AUTS2: variants seen among roughly 807,000 people sequenced by gnomAD.
The protein encoded by AUTS2 is activator of transcription and developmental regulator AUTS2.
A neutral mutation model predicts 112.4 loss-of-function variants in AUTS2; 17 were observed. That is an observed-to-expected ratio of 0.15 (90% CI 0.10 to 0.23). The LOEUF (loss-of-function observed/expected upper bound fraction) is 0.23. Among genes scored for constraint, AUTS2 ranks in the 10% least tolerant of loss-of-function variants. The pLI, the probability that AUTS2 is intolerant of heterozygous loss-of-function variation, is 1.00. For synonymous variants in AUTS2, 751 were observed against 702.7 expected (o/e 1.07, Z -1.09); for missense variants, 1,510 against 1,701.6 (o/e 0.89, Z 1.98).
At chr7:69,684,158 G>A (rs1796949536) in intron 1 of AUTS2, among the ~76,000 whole-genome samples, 1 of 152,168 alleles carries the variant, frequency 6.6e-6, no homozygotes, top group African/African-American at 2.4e-5. Flanking sequence ...GTCTTGGGGA[G>A]GAAGAGTCAT....
intron 4 of AUTS2, among the ~76,000 whole-genome samples, chr7:70,174,040 G>T (rs1808852775): frequency 6.6e-6 from 1 of 152,194 alleles, no homozygotes; most frequent in Non-Finnish European, 1.5e-5. Flanking sequence ...AGTAAGGAAG[G>T]CATGTTGAAA....
At chr7:70,679,601 T>TAA (rs5884794) in intron 5 of AUTS2, among the ~76,000 whole-genome samples, 215 of 145,882 alleles carry the variant, frequency 1.5e-3, no homozygotes, top group Middle Eastern at 0.014. Flanking sequence ...ACTTTCATGT[T>TAA]AAAAAAAAAA....
At chr7:69,840,221 C>A (rs1033511899) in intron 1 of AUTS2, among the ~76,000 whole-genome samples, 1 of 152,148 alleles carries the variant, frequency 6.6e-6, no homozygotes, top group African/African-American at 2.4e-5. Flanking sequence ...ATAAAGAAAT[C>A]TCTTTGTATT....
intron 2 of AUTS2, among the ~76,000 whole-genome samples, chr7:69,918,504 CATGAT>C (rs1433268973): frequency 6.6e-6 from 1 of 152,190 alleles, no homozygotes; most frequent in Non-Finnish European, 1.5e-5. Context: ...AAAAACTAGA[CATGAT>C]ATGAACTTTG....
At chr7:69,794,665 CA>C (rs1789760181) in intron 1 of AUTS2, among the ~76,000 whole-genome samples, 1 of 151,868 alleles carries the variant, frequency 6.6e-6, no homozygotes, top group Non-Finnish European at 1.5e-5. Flanking sequence ...TTTTTAATGT[CA>C]CTATTTTGAC....
At chr7:70,001,451 G>A (rs1048976713) in intron 2 of AUTS2, among the ~76,000 whole-genome samples, 26 of 151,996 alleles carry the variant, frequency 1.7e-4, no homozygotes, top group African/African-American at 6.3e-4. Context: ...AGACTATAAA[G>A]GGAAGGTAGG....
intron 4 of AUTS2, among the ~76,000 whole-genome samples, chr7:70,251,684 T>C (rs1584934165): frequency 3.3e-5 from 5 of 152,226 alleles, no homozygotes; most frequent in Admixed American, 2.6e-4. Flanking sequence ...TGATGTTTTA[T>C]TTTAGCTTCC....
chr7:69,777,284 A>C (rs1356204795), intron 1 of AUTS2, among the ~76,000 whole-genome samples: 2 of 152,144 alleles, frequency 1.3e-5, no homozygotes, highest in South Asian at 2.1e-4. Context: ...CTGATTGAAC[A>C]GTCACGTTAT....
At chr7:70,229,816 T>G (rs1016768842) in intron 4 of AUTS2, among the ~76,000 whole-genome samples, 9 of 152,274 alleles carry the variant, frequency 5.9e-5, no homozygotes, top group Admixed American at 2.0e-4. Flanking sequence ...ATGCACTGAT[T>G]CTTTCTTCTG....
chr7:70,382,627 C>T (rs1793421997), intron 4 of AUTS2, among the ~76,000 whole-genome samples: 1 of 152,188 alleles, frequency 6.6e-6, no homozygotes, highest in East Asian at 1.9e-4. Flanking sequence ...TTCTCTACCA[C>T]TCTGCCTTTG....
intron 2 of AUTS2, among the ~76,000 whole-genome samples, chr7:70,029,988 A>G (rs754736482): frequency 6.6e-6 from 1 of 152,194 alleles, no homozygotes; most frequent in Non-Finnish European, 1.5e-5. Context: ...GCCACATCCA[A>G]AGATACACAC....
rs1787390448 is a variant in AUTS2, at chr7:70,731,493, A to G, written c.743-31377A>G. Among the ~76,000 whole-genome samples, 6 of 128,368 alleles carry G rather than the reference A, an allele frequency of 4.7e-5. No individual in the cohort carries two copies. The South Asian group carries it at 1.6e-3, about 34-fold the overall frequency. The allele number at this position is 128,368 out of a possible 152,430, so 84.2% of individuals were successfully genotyped here. A position where few individuals can be genotyped will look rare whatever the true frequency, so the allele number is the denominator to read the frequency against. On this transcript the variant is annotated intron_variant, in intron 6 of 18. Transcript: ENST00000342771. Reference sequence around the variant, plus strand: ...TGCCCAGGCTGGAGTGCAGTGGTGCAATCTCGGCTCACTGCAAGCTCTGCC... The same window carrying G: ...TGCCCAGGCTGGAGTGCAGTGGTGCGATCTCGGCTCACTGCAAGCTCTGCC...
chr7:70,790,933 T>C lies in AUTS2; in HGVS notation c.3717T>C (p.Pro1239=). 1 of 1,551,274 alleles carries C rather than the reference T, an allele frequency of 6.4e-7. No homozygotes were observed. The highest frequency in any genetic ancestry group is 8.7e-7 in the Non-Finnish European group (1 of 1,150,004). Residue 1239 remains proline, a synonymous_variant, in exon 19 of 19, where the codon CCT becomes CCC. Coordinates refer to ENST00000342771, the MANE Select transcript of AUTS2 (RefSeq NM_015570.4). This position sits in a 1 kb window ranked among gnomAD's most constrained non-coding sequence, Gnocchi z 7.6. ...GRPVSPRRTT[P]LSAEIRERPP... is the part of the protein sequence containing the mutation. ...CGGTCTCTCCCAGAAGGACGACTCC[T>C]CTGTCCGCAGAGATAAGGGAGAGGC...
intron 4 of AUTS2, among the ~76,000 whole-genome samples, chr7:70,197,173 C>T (rs1021975869): frequency 2.6e-5 from 4 of 152,118 alleles, no homozygotes; most frequent in African/African-American, 7.2e-5. Context: ...GCTGTTGGCT[C>T]TTGAACAACA....
intron 2 of AUTS2, among the ~76,000 whole-genome samples, chr7:70,081,937 T>A (rs1381352120): frequency 1.1e-3 from 34 of 30,440 alleles, no homozygotes; most frequent in Non-Finnish European, 7.9e-4. Context: ...CTGTGAAGAG[T>A]GTGTGTGTGT....
chr7:69,943,919 A>G (rs973226888), intron 2 of AUTS2, among the ~76,000 whole-genome samples: 4 of 152,236 alleles, frequency 2.6e-5, no homozygotes, highest in African/African-American at 9.6e-5. Flanking sequence ...AGTCAAAACG[A>G]GTGTACAAAC....
intron 1 of AUTS2, among the ~76,000 whole-genome samples, chr7:69,609,059 C>T (rs1792881009): frequency 6.6e-6 from 1 of 152,184 alleles, no homozygotes; most frequent in Non-Finnish European, 1.5e-5. Context: ...CAGATGTTGT[C>T]TTTAGTGATG....
At chr7:70,545,351 A>G (rs375759818) in intron 5 of AUTS2, among the ~76,000 whole-genome samples, 19 of 152,218 alleles carry the variant, frequency 1.2e-4, no homozygotes, top group African/African-American at 4.1e-4. Flanking sequence ...TTAGGGTTCC[A>G]TCTCTTCGGA....
intron 2 of AUTS2, among the ~76,000 whole-genome samples, chr7:69,938,986 A>C (rs918413058): frequency 5.9e-5 from 9 of 152,350 alleles, no homozygotes; most frequent in African/African-American, 1.9e-4. Flanking sequence ...TCATGTTTTT[A>C]ACTGCTATAG....
Sources: gnomAD v4.1 joint callset for allele counts (sites outside exome capture counted in the v4.1 genomes callset) on GRCh38, gnomAD v4.1.1 for gene constraint, Gnocchi (gnomAD v3.1) non-coding constraint, MANE v1.5 for transcripts, NCBI Gene and HGNC (gene_info 2026-07-23, HGNC 2026-07-21) for gene names.